Variants in OR7E24 observed in about 807,000 individuals in gnomAD.
OR7E24 encodes the protein olfactory receptor family 7 subfamily E member 24, also known as olfactory receptor 7E24.
For synonymous variants in OR7E24, 130 were observed against 157.5 expected, an observed-to-expected ratio of 0.83 and a Z score of 1.31; for missense variants, 385 against 410.3, an observed-to-expected ratio of 0.94 and a Z score of 0.53.
the OR7E24 span, chr19:9,235,915 GTCTA>G: frequency 5.5e-4 from 884 of 1,608,614 alleles, 10 homozygotes; most frequent in African/African-American, 0.01. Context: ...AGGACTTGGG[GTCTA>G]TCTCAGTTCT....
the OR7E24 span, among the ~76,000 whole-genome samples, chr19:9,224,413 A>G: frequency 6.6e-6 from 1 of 152,270 alleles, no homozygotes; most frequent in African/African-American, 2.4e-5. Flanking sequence ...AGTGGATGGC[A>G]TAGCCTCATT....
chr19:9,246,499 T>G (rs987843151), upstream of OR7E24, among the ~76,000 whole-genome samples: 1 of 151,706 alleles, frequency 6.6e-6, no homozygotes, highest in African/African-American at 2.4e-5. Context: ...TGTGTGTGTG[T>G]GTGTGTGTGT....
chr19:9,220,193 A>T, the OR7E24 span, among the ~76,000 whole-genome samples: 2 of 152,194 alleles, frequency 1.3e-5, no homozygotes, highest in African/African-American at 4.8e-5. Flanking sequence ...TGGTGAGAAC[A>T]CTTAATATCC....
chr19:9,221,911 G>A, the OR7E24 span, among the ~76,000 whole-genome samples: 3 of 152,118 alleles, frequency 2.0e-5, no homozygotes, highest in East Asian at 5.8e-4. Flanking sequence ...ACTATCATGA[G>A]GTTTTCCTCT....
At chr19:9,249,695 G>A (rs369767143), upstream of OR7E24, among the ~76,000 whole-genome samples, 84 of 152,288 alleles carry the variant, frequency 5.5e-4, no homozygotes, top group African/African-American at 2.0e-3. Flanking sequence ...GCTCACACCT[G>A]TAATCCCAGC....
chr19:9,235,136 A>G, the OR7E24 span: 2 of 1,001,122 alleles, frequency 2.0e-6, no homozygotes, highest in South Asian at 1.5e-5. Flanking sequence ...AGTAGACACA[A>G]CAGCTACATG....
chr19:9,251,801 A>G lies in OR7E24; in HGVS notation c.758A>G (p.Tyr253Cys). The change falls in exon 1 of 1, where the codon TAT (tyrosine) becomes TGT (cysteine). Residue 253 changes from tyrosine (Y) to cysteine (C), a missense_variant. Transcript: ENST00000456448. ...ILRVPTSDGKYKAFSTCGSHL... is the reference protein window; with the variant it reads ...ILRVPTSDGKCKAFSTCGSHL... ...AGAGTTCCAACATCAGATGGGAAGT[A>G]TAAAGCCTTCTCCACCTGTGGCTCT... 6.2e-7 allele frequency: 1 copy of G among 1,613,162 alleles called. No homozygotes were observed. The highest frequency in any genetic ancestry group is 1.3e-5 in the African/African-American group (1 of 75,036).
At chr19:9,214,903 A>C in the OR7E24 span, 1 of 907,882 alleles carries the variant, frequency 1.1e-6, no homozygotes, top group Non-Finnish European at 1.7e-6. Context: ...GTGGCAGCTC[A>C]GCTTGTCATC....
chr19:9,210,520 A>T, the OR7E24 span: 1 of 152,320 alleles, frequency 6.6e-6, no homozygotes, highest in Non-Finnish European at 1.5e-5. Flanking sequence ...TCAAGGCTGC[A>T]GTGAGCTATG....
At chr19:9,214,022 G>A in the OR7E24 span, 21 of 1,613,986 alleles carry the variant, frequency 1.3e-5, no homozygotes, top group Admixed American at 1.7e-5. Context: ...CTGAGGCGGT[G>A]GAGCTGCTCT....
At chr19:9,234,556 G>A in the OR7E24 span, among the ~76,000 whole-genome samples, 1 of 152,190 alleles carries the variant, frequency 6.6e-6, no homozygotes, top group Non-Finnish European at 1.5e-5. Flanking sequence ...ATATTTCAAA[G>A]TAACTAGAAA....
In OR7E24 at chr19:9,251,532, CT is replaced by C; in HGVS notation, c.479del (p.Leu160CysfsTer16). The C allele has an allele frequency of 6.2e-7, 1 of 1,614,074 alleles. No homozygotes were observed. The highest frequency in any genetic ancestry group is 8.5e-7 in the Non-Finnish European group (1 of 1,179,986). On this transcript the variant is annotated frameshift_variant, in exon 2 of 2. Transcript: ENST00000641946. LOFTEE classifies it low-confidence loss of function (END_TRUNC). ...ACCCACGCCTCTGTGGCTTCTTAAT[CT>C]TGTTGTCTTTTTTTATTAGTCTTTT...
the OR7E24 span, among the ~76,000 whole-genome samples, chr19:9,234,427 A>G: frequency 6.6e-6 from 1 of 152,354 alleles, no homozygotes; most frequent in Non-Finnish European, 1.5e-5. Flanking sequence ...AACCTCACAA[A>G]GTGATACTGA....
the OR7E24 span, among the ~76,000 whole-genome samples, chr19:9,222,684 G>T: frequency 6.6e-6 from 1 of 151,968 alleles, no homozygotes; most frequent in African/African-American, 2.4e-5. Context: ...TTTTTTGTTA[G>T]TTCTAACAGT....
At chr19:9,231,371 C>G in the OR7E24 span, among the ~76,000 whole-genome samples, 42 of 151,742 alleles carry the variant, frequency 2.8e-4, no homozygotes, top group Non-Finnish European at 5.0e-4. Context: ...CATGAGGTCA[C>G]GAGATTGAGA....
At chr19:9,228,275 A>T in the OR7E24 span, among the ~76,000 whole-genome samples, 6 of 152,036 alleles carry the variant, frequency 3.9e-5, no homozygotes, top group South Asian at 1.2e-3. Flanking sequence ...GCACATTATG[A>T]TTTTTCTTTG....
upstream of OR7E24, among the ~76,000 whole-genome samples, chr19:9,244,846 G>C (rs1467483006): frequency 2.0e-5 from 3 of 152,096 alleles, no homozygotes; most frequent in Non-Finnish European, 4.4e-5. Context: ...TATATGCTTA[G>C]AGGCTAACAA....
chr19:9,244,514 T>C (rs1240377092), upstream of OR7E24, among the ~76,000 whole-genome samples: 1 of 152,208 alleles, frequency 6.6e-6, no homozygotes, highest in African/African-American at 2.4e-5. Context: ...AGAATGAAGG[T>C]GGGTTCTTAC....
At chr19:9,238,266 G>A in the OR7E24 span, among the ~76,000 whole-genome samples, 1 of 152,138 alleles carries the variant, frequency 6.6e-6, no homozygotes, top group Non-Finnish European at 1.5e-5. Context: ...CTGGGTGACA[G>A]AGCAAGACTC....
Sources: allele counts gnomAD v4.1 joint callset (sites outside exome capture counted in the v4.1 genomes callset), GRCh38; gene constraint gnomAD v4.1.1; transcripts MANE v1.5; gene names NCBI Gene and HGNC (gene_info 2026-07-23, HGNC 2026-07-21).